Variants in THSD7B observed in about 807,000 individuals in gnomAD.
THSD7B encodes the protein thrombospondin type 1 domain containing 7B, also known as thrombospondin type-1 domain-containing protein 7B.
THSD7B carries 138 observed loss-of-function variants against 213.6 expected under a neutral mutation model. That is an observed-to-expected ratio of 0.65 (90% CI 0.56 to 0.74). THSD7B has a LOEUF of 0.74. Among genes scored for constraint, THSD7B ranks in the 30% least tolerant of loss-of-function variants. THSD7B has a pLI of 0.00. For missense variants in THSD7B, 1,931 were observed against 1,991.5 expected, an observed-to-expected ratio of 0.97 and a Z score of 0.58; for synonymous variants, 742 against 687.0, an observed-to-expected ratio of 1.08 and a Z score of -1.25.
intron 12 of THSD7B, among the ~76,000 whole-genome samples, chr2:137,277,704 C>G (rs1462646738): frequency 2.6e-5 from 4 of 152,040 alleles, no homozygotes; most frequent in African/African-American, 7.2e-5. Context: ...TTTTGCAGAA[C>G]AGGATTACAC....
intron 3 of THSD7B, among the ~76,000 whole-genome samples, chr2:137,060,178 C>G (rs1687245029): frequency 6.6e-6 from 1 of 152,024 alleles, no homozygotes; most frequent in Non-Finnish European, 1.5e-5. Context: ...GATAAGGTGT[C>G]TATTCAGATG....
intron 12 of THSD7B, among the ~76,000 whole-genome samples, chr2:137,306,038 G>T (rs926427116): frequency 1.3e-5 from 2 of 152,136 alleles, no homozygotes; most frequent in Non-Finnish European, 2.9e-5. Context: ...CACTTACCAT[G>T]AATGGAATTT....
chr2:137,248,206 T>C (rs1682086405), intron 10 of THSD7B, among the ~76,000 whole-genome samples: 1 of 152,180 alleles, frequency 6.6e-6, no homozygotes, highest in South Asian at 2.1e-4. Context: ...ATGATGATGA[T>C]AAAAGTTCCT....
chr2:136,820,054 G>T (rs78561529), intron 1 of THSD7B, among the ~76,000 whole-genome samples: 1 of 151,978 alleles, frequency 6.6e-6, no homozygotes, highest in Non-Finnish European at 1.5e-5. Context: ...AGAAGCACAC[G>T]CATTCCTCTG....
intron 7 of THSD7B, among the ~76,000 whole-genome samples, chr2:137,182,680 C>A (rs1017057150): frequency 6.6e-6 from 1 of 152,114 alleles, no homozygotes; most frequent in South Asian, 2.1e-4. Flanking sequence ...GTTGAGTGCA[C>A]CCTGAAAATT....
intron 1 of THSD7B, among the ~76,000 whole-genome samples, chr2:136,766,312 C>T (rs988815016): frequency 2.0e-5 from 3 of 152,008 alleles, no homozygotes; most frequent in African/African-American, 7.2e-5. Flanking sequence ...TTACATTTCC[C>T]CTGTCCCTGC....
intron 2 of THSD7B, among the ~76,000 whole-genome samples, chr2:136,892,809 C>T (rs1683886853): frequency 6.6e-6 from 1 of 152,032 alleles, no homozygotes; most frequent in Admixed American, 6.6e-5. Flanking sequence ...CAAGCCTTCC[C>T]AGAGTTCTGC....
intron 15 of THSD7B, among the ~76,000 whole-genome samples, chr2:137,539,759 G>T (rs996378216): frequency 1.3e-5 from 2 of 151,550 alleles, no homozygotes; most frequent in Non-Finnish European, 3.0e-5. Context: ...ATACCATGCT[G>T]CATGACACAT....
chr2:137,038,336 A>C (rs62170970), intron 2 of THSD7B, among the ~76,000 whole-genome samples: 64 of 152,168 alleles, frequency 4.2e-4, no homozygotes, highest in Non-Finnish European at 6.6e-4. Flanking sequence ...CTAAATGGTC[A>C]CATTTAAACC....
At chr2:136,904,131 T>C (rs62172317) in intron 2 of THSD7B, among the ~76,000 whole-genome samples, 16,380 of 152,110 alleles carry the variant, frequency 0.11, 1,089 homozygotes, top group Middle Eastern at 0.17. Context: ...TCTCCTTTAA[T>C]TAAATAATAT....
intron 10 of THSD7B, among the ~76,000 whole-genome samples, chr2:137,251,331 T>A (rs1199886933): frequency 6.6e-6 from 1 of 152,128 alleles, no homozygotes; most frequent in Non-Finnish European, 1.5e-5. Flanking sequence ...AGGGAAAAAA[T>A]TCTATCATTT....
intron 2 of THSD7B, among the ~76,000 whole-genome samples, chr2:137,003,898 T>A (rs574043329): frequency 1.3e-4 from 20 of 152,302 alleles, no homozygotes; most frequent in African/African-American, 4.3e-4. Flanking sequence ...TTTATCAGAC[T>A]TTACCGCATT....
At chr2:137,653,967 G>GT (rs967727849) in intron 21 of THSD7B, among the ~76,000 whole-genome samples, 4 of 150,954 alleles carry the variant, frequency 2.6e-5, no homozygotes, top group Admixed American at 6.6e-5. Flanking sequence ...TGTTTCCCTT[G>GT]TTTTTTTAAT....
chr2:136,831,856 T>C (rs1435527438), intron 1 of THSD7B, among the ~76,000 whole-genome samples: 1 of 152,218 alleles, frequency 6.6e-6, no homozygotes, highest in Non-Finnish European at 1.5e-5. Flanking sequence ...AGGCTTATCC[T>C]TCCTTTAAGC....
At chr2:137,195,090 A>T (rs2105018144) in intron 7 of THSD7B, among the ~76,000 whole-genome samples, 1 of 152,210 alleles carries the variant, frequency 6.6e-6, no homozygotes, top group Admixed American at 6.6e-5. Flanking sequence ...TTTTGTGAAT[A>T]ATAAGGGACC....
At chr2:136,952,610 T>C (rs1431903257) in intron 2 of THSD7B, among the ~76,000 whole-genome samples, 2 of 152,164 alleles carry the variant, frequency 1.3e-5, no homozygotes, top group Non-Finnish European at 2.9e-5. Flanking sequence ...TTAATAGTTT[T>C]ACTCTTTGAG....
chr2:136,895,969 T>G (rs1683952633), intron 2 of THSD7B, among the ~76,000 whole-genome samples: 2 of 152,216 alleles, frequency 1.3e-5, no homozygotes, highest in African/African-American at 4.8e-5. Flanking sequence ...CTGAATAGTA[T>G]TCCATTGTAT....
intron 7 of THSD7B, among the ~76,000 whole-genome samples, chr2:137,191,443 G>A (rs1680658177): frequency 6.6e-6 from 1 of 152,042 alleles, no homozygotes; most frequent in African/African-American, 2.4e-5. Flanking sequence ...AAGCTGGGAT[G>A]AGGGGTTGCC....
chr2:136,871,856 T>C (rs1453653695), intron 1 of THSD7B, among the ~76,000 whole-genome samples: 1 of 152,184 alleles, frequency 6.6e-6, no homozygotes, highest in Non-Finnish European at 1.5e-5. Flanking sequence ...CTTCCTTCTA[T>C]GCAATTGCCA....
Sources: allele counts gnomAD v4.1 joint callset (sites outside exome capture counted in the v4.1 genomes callset), GRCh38; gene constraint gnomAD v4.1.1; transcripts MANE v1.5; gene names NCBI Gene and HGNC (gene_info 2026-07-23, HGNC 2026-07-21).